SAMSN1: variants seen among roughly 807,000 people sequenced by gnomAD.
SAMSN1 encodes the protein SAM domain, SH3 domain and nuclear localization signals 1.
SAMSN1 carries 31 observed loss-of-function variants against 42.0 expected under a neutral mutation model. The ratio of observed to expected loss-of-function variants is 0.74; its 90% CI spans 0.55 to 1.00. SAMSN1 has a LOEUF of 1.00. SAMSN1 is among the 50% of genes least tolerant of loss of function. The probability of loss-of-function intolerance (pLI) is 0.00; values close to 1 mark genes in which losing one functional copy is unlikely to be tolerated. For missense variants in SAMSN1, 464 were observed against 439.4 expected (o/e 1.06, Z -0.50); for synonymous variants, 178 against 151.9 (o/e 1.17, Z -1.26).
intron 4 of SAMSN1, among the ~76,000 whole-genome samples, chr21:14,611,706 A>T (rs1431243645): frequency 1.3e-5 from 2 of 152,226 alleles, no homozygotes; most frequent in Non-Finnish European, 2.9e-5. Flanking sequence ...CAGGACCCTG[A>T]TAGGATCCAG....
intron 2 of SAMSN1, among the ~76,000 whole-genome samples, chr21:14,622,180 A>G (rs1983030877): frequency 6.6e-6 from 1 of 152,244 alleles, no homozygotes; most frequent in Admixed American, 6.5e-5. Flanking sequence ...GGGTAAAAAC[A>G]GCAGAAAAGC....
At chr21:14,570,486 A>C (rs888257727) in intron 2 of SAMSN1, among the ~76,000 whole-genome samples, 5 of 152,310 alleles carry the variant, frequency 3.3e-5, no homozygotes, top group South Asian at 2.1e-4. Flanking sequence ...CTGAGCTTTA[A>C]AAATTAAAGG....
In SAMSN1 at chr21:14,597,615, A is replaced by G. The variant is rs569654395; in HGVS notation, c.400-3537T>C. Among the ~76,000 whole-genome samples, 3 of 152,334 alleles carry G rather than the reference A, an allele frequency of 2.0e-5. No homozygotes were observed. In the East Asian group the frequency reaches 5.8e-4, roughly 29 times the overall value. On this transcript the variant is annotated intron_variant, in intron 6 of 15. Transcript: ENST00000647101. Reference sequence around the variant, plus strand: ...GTGATTGTTTTAAAAATAAGGTATCAGAAATGTATTCGGCTTTGAGGAAGA... The same window carrying G: ...GTGATTGTTTTAAAAATAAGGTATCGGAAATGTATTCGGCTTTGAGGAAGA...
rs1987107726 is a variant in SAMSN1, at chr21:14,500,575, TTGC to T, written c.719_721del (p.Ser240del). Reference sequence around the variant, plus strand: ...GAACTCCTGCAGAGTCTTGGATTTTTTGCTGTTACTCCTTCGGTTTGCCTTTAT... The same window carrying T: ...GAACTCCTGCAGAGTCTTGGATTTTTTGTTACTCCTTCGGTTTGCCTTTAT... On this transcript the variant is annotated inframe_deletion, in exon 6 of 8. Transcript: ENST00000400566. 1.9e-6 allele frequency: 3 copies of T among 1,614,178 alleles called. No homozygotes were observed. Among genetic ancestry groups the T allele is most frequent in the Non-Finnish European group, 2.5e-6 (3 of 1,180,018 alleles).
At chr21:14,601,971 G>T in intron 6 of SAMSN1, 1 of 633,106 alleles carries the variant, frequency 1.6e-6, no homozygotes, top group South Asian at 1.9e-5. Context: ...TTACAGAGCT[G>T]AGTAACAAGA....
At position 14,656,184 on chromosome 21, in the gene SAMSN1, G is replaced by A. The variant is rs144015857; in HGVS notation, c.24+2564C>T. 5.6e-4 allele frequency among the ~76,000 whole-genome samples: 85 copies of A among 151,768 alleles called. 2 individuals are homozygous for A. The highest frequency in any genetic ancestry group is 3.7e-3 in the South Asian group (18 of 4,808). On this transcript the variant is annotated intron_variant, in intron 1 of 15. Transcript: ENST00000647101. ...TCATTTCAGTCAAAATCCCATCAAAGGTATTCATATAATTTGACAATATGA... is the reference window on the plus strand; with the variant it reads ...TCATTTCAGTCAAAATCCCATCAAAAGTATTCATATAATTTGACAATATGA...
rs183346699 is a variant in SAMSN1 at position 14,520,082 on chromosome 21, A to G, written c.129+1068T>C. 1.8e-3 allele frequency among the ~76,000 whole-genome samples: 274 copies of G among 152,368 alleles called. 1 individual carries two copies. Among genetic ancestry groups the G allele is most frequent in the African/African-American group, 4.7e-3 (197 of 41,592 alleles). On this transcript the variant is annotated intron_variant, in intron 2 of 7. Transcript: ENST00000400566. ...TATAAATAGGTAAATTGTTATAGAT[A>G]GATAAAGTTAGCATTGTGCTTATTT...
intron 6 of SAMSN1, among the ~76,000 whole-genome samples, chr21:14,594,950 G>T: frequency 6.6e-6 from 1 of 152,118 alleles, no homozygotes; most frequent in East Asian, 1.9e-4. Context: ...TGTAGGGGAG[G>T]CCTCAGGAAG....
At chr21:14,578,269 G>A (rs1434634526) in intron 2 of SAMSN1, among the ~76,000 whole-genome samples, 1 of 152,062 alleles carries the variant, frequency 6.6e-6, no homozygotes, top group Non-Finnish European at 1.5e-5. Flanking sequence ...AGAGGGTAAG[G>A]AGTTTACTCA....
At chr21:14,587,245 A>G (rs1981945849), upstream of SAMSN1, among the ~76,000 whole-genome samples, 1 of 152,180 alleles carries the variant, frequency 6.6e-6, no homozygotes, top group Non-Finnish European at 1.5e-5. Context: ...AAAAATGTGA[A>G]CTATGTATGC....
At chr21:14,489,005 C>T (rs1346965743) in intron 7 of SAMSN1, among the ~76,000 whole-genome samples, 1 of 152,158 alleles carries the variant, frequency 6.6e-6, no homozygotes, top group African/African-American at 2.4e-5. Context: ...TCTTTTCATC[C>T]TGACACTAAT....
chr21:14,538,707 C>T (rs1264727290), intron 1 of SAMSN1, among the ~76,000 whole-genome samples: 1 of 152,126 alleles, frequency 6.6e-6, no homozygotes, highest in Admixed American at 6.5e-5. Flanking sequence ...GCAGTGAAAA[C>T]AGCTCATAAT....
intron 1 of SAMSN1, among the ~76,000 whole-genome samples, chr21:14,649,705 C>T (rs534978497): frequency 6.6e-6 from 1 of 151,188 alleles, no homozygotes; most frequent in South Asian, 2.1e-4. Flanking sequence ...AGGAGGCGGA[C>T]ATTGCAGTGA....
At chr21:14,629,676 C>A (rs1282259354) in intron 2 of SAMSN1, among the ~76,000 whole-genome samples, 2 of 152,152 alleles carry the variant, frequency 1.3e-5, no homozygotes, top group Admixed American at 6.5e-5. Context: ...CTGGAGAATG[C>A]ACGGGGCCAT....
At chr21:14,531,518 T>C (rs1979267997) in intron 1 of SAMSN1, among the ~76,000 whole-genome samples, 1 of 151,966 alleles carries the variant, frequency 6.6e-6, no homozygotes, top group Non-Finnish European at 1.5e-5. Context: ...ATCTCAAAAA[T>C]TTTTTATTAT....
intron 4 of SAMSN1, among the ~76,000 whole-genome samples, chr21:14,610,256 C>T (rs907823973): frequency 6.6e-6 from 1 of 152,154 alleles, no homozygotes; most frequent in African/African-American, 2.4e-5. Context: ...AACGCATTCC[C>T]AGGGCGGGGC....
At chr21:14,583,841 G>A (rs2123252336), upstream of SAMSN1, 1 of 679,288 alleles carries the variant, frequency 1.5e-6, no homozygotes, top group East Asian at 2.7e-5. Flanking sequence ...TATAAAATAT[G>A]TTGAGATCAT....
chr21:14,591,190 G>T (rs1982073911), intron 7 of SAMSN1: 2 of 152,000 alleles, frequency 1.3e-5, no homozygotes, highest in Non-Finnish European at 2.9e-5. Flanking sequence ...CTTAAACTAA[G>T]ATTGGAAAAA....
At chr21:14,546,801 C>G (rs190695499), upstream of SAMSN1, among the ~76,000 whole-genome samples, 11 of 152,186 alleles carry the variant, frequency 7.2e-5, no homozygotes, top group African/African-American at 2.6e-4. Flanking sequence ...CCTCCACCTC[C>G]CGGGTTCAAG....
Sources: gnomAD v4.1 joint callset for allele counts (sites outside exome capture counted in the v4.1 genomes callset) on GRCh38, gnomAD v4.1.1 for gene constraint, MANE v1.5 for transcripts, NCBI Gene and HGNC (gene_info 2026-07-23, HGNC 2026-07-21) for gene names.